Variants in ITFG2 observed in about 807,000 individuals in gnomAD.
The protein encoded by ITFG2 is KICSTOR complex protein ITFG2.
Under a neutral mutation model 54.4 loss-of-function variants are expected in ITFG2, and 36 were observed. The ratio of observed to expected loss-of-function variants is 0.66; its 90% CI spans 0.51 to 0.87. ITFG2 has a LOEUF of 0.87. ITFG2 is among the 40% of genes least tolerant of loss of function. ITFG2 has a pLI of 0.00. For missense variants in ITFG2, 524 were observed against 576.7 expected, an observed-to-expected ratio of 0.91 and a Z score of 0.94; for synonymous variants, 211 against 225.4, an observed-to-expected ratio of 0.94 and a Z score of 0.57.
At chr12:2,817,150 G>C (rs964459908) in intron 1 of ITFG2, 73 bp from the exon 2 acceptor site, 6 of 955,852 alleles carry the variant, frequency 6.3e-6, no homozygotes, top group African/African-American at 4.8e-5. Context: ...CCCTTGGCTA[G>C]GCTAAGTAGA....
At chr12:2,859,035 A>G in intron 3 of ITFG2, 1 of 1,610,190 alleles carries the variant, frequency 6.2e-7, no homozygotes, top group Non-Finnish European at 8.5e-7. Flanking sequence ...CAGTCCCCCT[A>G]CTTTGGCTGG....
At chr12:2,822,014 T>C (rs2097947071) in intron 9 of ITFG2, among the ~76,000 whole-genome samples, 1 of 141,014 alleles carries the variant, frequency 7.1e-6, no homozygotes, top group Non-Finnish European at 1.6e-5. Context: ...CTGCAACCTT[T>C]TCTGCTAGAC....
chr12:2,856,612 C>T (rs1431974611), intron 2 of ITFG2, among the ~76,000 whole-genome samples: 1 of 152,214 alleles, frequency 6.6e-6, no homozygotes, highest in African/African-American at 2.4e-5. Flanking sequence ...AACCGTTCCC[C>T]TCGACCTCCC....
chr12:2,855,397 C>T (rs769525382), intron 2 of ITFG2: 232 of 1,089,410 alleles, frequency 2.1e-4, no homozygotes, highest in Middle Eastern at 1.1e-3. Context: ...GAAGAACTCA[C>T]GCTGAGCCCA....
chr12:2,854,411 C>G (rs926996574), intron 2 of ITFG2, among the ~76,000 whole-genome samples: 6 of 152,230 alleles, frequency 3.9e-5, no homozygotes, highest in South Asian at 2.1e-4. Context: ...GAGGCTCCCC[C>G]CTTCATCGGT....
At chr12:2,853,618 T>TG (rs1011188861) in intron 2 of ITFG2, among the ~76,000 whole-genome samples, 3 of 152,116 alleles carry the variant, frequency 2.0e-5, no homozygotes, top group African/African-American at 7.2e-5. Flanking sequence ...TTTTTGTTTT[T>TG]TTTTCAGATT....
chr12:2,835,995 A>C (rs1269686750), upstream of ITFG2, among the ~76,000 whole-genome samples: 2 of 152,188 alleles, frequency 1.3e-5, no homozygotes, highest in Non-Finnish European at 2.9e-5. Flanking sequence ...GTAACATAGT[A>C]TTCCATTAGA....
downstream of ITFG2, chr12:2,825,754 T>C (rs1162627647): frequency 6.6e-6 from 1 of 152,286 alleles, no homozygotes; most frequent in African/African-American, 2.4e-5. Flanking sequence ...CCACTGTCTT[T>C]CTCTGCTCCT....
At chr12:2,846,254 C>T (rs912860321) in intron 2 of ITFG2, among the ~76,000 whole-genome samples, 1 of 152,096 alleles carries the variant, frequency 6.6e-6, no homozygotes, top group African/African-American at 2.4e-5. Context: ...CAGGGTCTGC[C>T]AGGGCAGGAG....
chr12:2,847,178 A>G (rs1049911457), intron 2 of ITFG2, among the ~76,000 whole-genome samples: 9 of 152,174 alleles, frequency 5.9e-5, no homozygotes, highest in Non-Finnish European at 1.3e-4. Flanking sequence ...ATGTTGTAAC[A>G]TGTATTCTTT....
rs201298538 is a variant in ITFG2, at chr12:2,812,802, C to G, written c.42C>G (p.Phe14Leu). Residue 14 changes from phenylalanine (F) to leucine (L), a missense_variant, in exon 1 of 12, where the codon TTC becomes TTG. Physicochemically the swap from Phe to Leu is conservative, Grantham distance 22. Coordinates refer to ENST00000228799, the MANE Select transcript of ITFG2 (RefSeq NM_018463.4). ...VSYVQRVALE[F>L]SGSLFPHAIC... is the part of the protein sequence containing the mutation. ...ACGTGCAGCGCGTGGCGCTGGAGTT[C>G]AGCGGGAGCCTCTTCCCGCACGCAA... 3.1e-6 allele frequency: 5 copies of G among 1,613,048 alleles called. No individual in the cohort carries two copies. Among genetic ancestry groups the G allele is most frequent in the Admixed American group, 3.3e-5 (2 of 60,024 alleles).
intron 3 of ITFG2, chr12:2,859,385 C>T: frequency 6.2e-7 from 1 of 1,613,932 alleles, no homozygotes; most frequent in Non-Finnish European, 8.5e-7. Context: ...CACTGTAGGA[C>T]TTCTTGGGTC....
chr12:2,855,451 G>A, intron 2 of ITFG2: 3 of 1,432,088 alleles, frequency 2.1e-6, no homozygotes, highest in Non-Finnish European at 2.8e-6. Context: ...GACCATCTAG[G>A]GAGAGACAAA....
chr12:2,814,976 A>T (rs992331189), intron 1 of ITFG2, among the ~76,000 whole-genome samples: 1 of 146,484 alleles, frequency 6.8e-6, no homozygotes, highest in Non-Finnish European at 1.5e-5. Context: ...AAAAATAAAG[A>T]TTTTTTTTTT....
intron 2 of ITFG2, among the ~76,000 whole-genome samples, chr12:2,846,807 G>A (rs1429179887): frequency 6.6e-6 from 1 of 151,782 alleles, no homozygotes; most frequent in African/African-American, 2.4e-5. Context: ...CAAAGAGAAG[G>A]ACCATGTAAG....
At chr12:2,814,427 T>G (rs948890895) in intron 1 of ITFG2, among the ~76,000 whole-genome samples, 1 of 152,252 alleles carries the variant, frequency 6.6e-6, no homozygotes, top group Non-Finnish European at 1.5e-5. Flanking sequence ...ATGTTAGATA[T>G]ACTACCATTT....
At chr12:2,828,334 C>T, downstream of ITFG2, 7 of 1,614,048 alleles carry the variant, frequency 4.3e-6, no homozygotes, top group Non-Finnish European at 5.9e-6. Context: ...ATTCTTACCC[C>T]AGGCGGCTGA....
chr12:2,846,513 G>T (rs537472468), intron 2 of ITFG2, among the ~76,000 whole-genome samples: 15 of 152,194 alleles, frequency 9.9e-5, no homozygotes, highest in Non-Finnish European at 2.2e-4. Flanking sequence ...GCCTGGCTTT[G>T]TGGTCCGGAG....
At chr12:2,821,912 T>G in intron 9 of ITFG2, 120 bp downstream of exon 9, 38 of 689,018 alleles carry the variant, frequency 5.5e-5, no homozygotes, top group Non-Finnish European at 6.7e-5. Flanking sequence ...CTTTAGTCTC[T>G]GTCTCTTTTT....
Sources: allele counts gnomAD v4.1 joint callset (sites outside exome capture counted in the v4.1 genomes callset), GRCh38; gene constraint gnomAD v4.1.1; transcripts MANE v1.5; gene names NCBI Gene and HGNC (gene_info 2026-07-23, HGNC 2026-07-21).